NIPAL4: variants seen among roughly 807,000 people sequenced by gnomAD.
NIPAL4 encodes the protein NIPA like domain containing 4.
Under a neutral mutation model 31.6 loss-of-function variants are expected in NIPAL4, and 21 were observed. The observed-to-expected ratio is 0.67, with a 90% CI of 0.47 to 0.96. The LOEUF (loss-of-function observed/expected upper bound fraction) is 0.96, where lower values mean the gene tolerates loss of function less well. Among genes scored for constraint, NIPAL4 ranks in the 40% least tolerant of loss-of-function variants. The pLI, the probability that NIPAL4 is intolerant of heterozygous loss-of-function variation, is 0.00. For missense variants in NIPAL4, 438 were observed against 508.0 expected, an observed-to-expected ratio of 0.86 and a Z score of 1.32; for synonymous variants, 175 against 211.1, an observed-to-expected ratio of 0.83 and a Z score of 1.48.
chr5:157,465,009 G>T (rs1020170105), intron 2 of NIPAL4, among the ~76,000 whole-genome samples: 1 of 152,142 alleles, frequency 6.6e-6, no homozygotes, highest in Non-Finnish European at 1.5e-5. Flanking sequence ...TCAGTGAAAG[G>T]TTCCCACAGT....
chr5:157,460,300 G>A lies in NIPAL4; in HGVS notation c.-21G>A, dbSNP rs1311877126. ...CCCGGGCGCCGTCCGCCCGCGCGTC[G>A]GTTCGTGTGCCCCGGGCCCCATGGA... On this transcript the variant is annotated 5_prime_UTR_variant, in exon 1 of 6. Transcript: ENST00000311946. The A allele has an allele frequency of 2.6e-6, 4 of 1,546,100 alleles. No individual in the cohort carries two copies. Among genetic ancestry groups the A allele is most frequent in the Non-Finnish European group, 3.5e-6 (4 of 1,145,144 alleles).
intron 4 of NIPAL4, 121 bp from the exon 5 acceptor site, chr5:157,471,536 G>A (rs1047223546): frequency 3.2e-5 from 24 of 741,830 alleles, no homozygotes; most frequent in Admixed American, 6.0e-5. Context: ...AACCTTCCAC[G>A]TGAGAAACTA....
intron 1 of NIPAL4, among the ~76,000 whole-genome samples, chr5:157,462,690 C>T (rs57064749): frequency 0.28 from 42,104 of 152,100 alleles, 6,507 homozygotes; most frequent in East Asian, 0.71. Context: ...GTTTCTTCAA[C>T]TAAAAGCCTA....
In NIPAL4 at chr5:157,472,752, T is replaced by C. The variant is rs1754476804; in HGVS notation, c.1007T>C (p.Ile336Thr). 6.2e-7 allele frequency: 1 copy of C among 1,613,556 alleles called. No homozygotes were observed. Among genetic ancestry groups the C allele is most frequent in the Non-Finnish European group, 8.5e-7 (1 of 1,179,488 alleles). Residue 336 changes from isoleucine (I) to threonine (T), a missense_variant, in exon 6 of 6, where the codon ATC becomes ACC. Transcript: ENST00000311946. The stretch of plus-strand genomic sequence containing the variant: ...ACCCTCTCGGGCTTTGTCACCATCA[T>C]CTTGGGCGTGTTCATGCTGCATGCT... ...AGTLSGFVTI[I>T]LGVFMLHAFK...
In NIPAL4 at chr5:157,460,433, C is replaced by A; in HGVS notation, c.37+76C>A. On this transcript the variant is annotated intron_variant, in intron 1 of 5. Transcript: ENST00000311946. Reference sequence around the variant, plus strand: ...CCCTCCTTGCCACCGCTCTCCCTCGCATCCTCTCCTCCCAGGGGGGCCAAA... The same window carrying A: ...CCCTCCTTGCCACCGCTCTCCCTCGAATCCTCTCCTCCCAGGGGGGCCAAA... 5.0e-6 allele frequency: 7 copies of A among 1,391,938 alleles called. 1 individual carries two copies. The highest frequency in any genetic ancestry group is 2.5e-5 in the South Asian group (2 of 81,154). The allele number at this position is 1,391,938 out of a possible 1,614,324, so 86.2% of individuals were successfully genotyped here.
chr5:157,470,077 G>A (rs771935004), intron 4 of NIPAL4, among the ~76,000 whole-genome samples: 14 of 152,304 alleles, frequency 9.2e-5, no homozygotes, highest in Non-Finnish European at 1.9e-4. Flanking sequence ...AGACAAGAGA[G>A]CTTAGATATC....
chr5:157,472,283 T>C, intron 5 of NIPAL4, 49 bp from the exon 6 acceptor site: 1 of 1,554,082 alleles, frequency 6.4e-7, no homozygotes, highest in East Asian at 2.2e-5. Flanking sequence ...CCCTAGACAT[T>C]GCCTGCACCC....
chr5:157,460,641 AC>A, intron 1 of NIPAL4: 1 of 435,478 alleles, frequency 2.3e-6, no homozygotes, highest in South Asian at 1.6e-5. Context: ...GACAGCAGAC[AC>A]CCTGAGAGGT....
chr5:157,469,905 T>C (rs1367275029), intron 4 of NIPAL4, among the ~76,000 whole-genome samples: 1 of 152,236 alleles, frequency 6.6e-6, no homozygotes, highest in Non-Finnish European at 1.5e-5. Context: ...GTAGCTGTGG[T>C]ACCATAATTG....
rs79235822 is a variant in NIPAL4 at position 157,471,321 on chromosome 5, C to A, written c.426-336C>A. On this transcript the variant is annotated intron_variant, in intron 4 of 5. Coordinates refer to ENST00000311946, the MANE Select transcript of NIPAL4 (RefSeq NM_001099287.2). Reference sequence around the variant, plus strand: ...CGGGATACATTCAGAATGTTCAGCACATACTAAGCCCTCCATATGTGACAG... The same window carrying A: ...CGGGATACATTCAGAATGTTCAGCAAATACTAAGCCCTCCATATGTGACAG... Among the ~76,000 whole-genome samples the A allele has an allele frequency of 6.4e-4, 98 of 152,304 alleles. No homozygotes were observed. In the East Asian group the frequency reaches 0.018, roughly 29 times the overall value.
At chr5:157,461,379 C>G (rs10071997) in intron 1 of NIPAL4, among the ~76,000 whole-genome samples, 71,810 of 152,074 alleles carry the variant, frequency 0.47, 17,251 homozygotes, top group East Asian at 0.72. Context: ...GGAGGATGCT[C>G]AGCCCTTGGG....
intron 1 of NIPAL4, among the ~76,000 whole-genome samples, chr5:157,462,852 G>A (rs1191730857): frequency 6.6e-6 from 1 of 152,208 alleles, no homozygotes; most frequent in Admixed American, 6.5e-5. Context: ...CTGAGGGTCT[G>A]CCCTTGTGCC....
intron 1 of NIPAL4, among the ~76,000 whole-genome samples, chr5:157,461,244 C>G (rs1754096258): frequency 6.6e-6 from 1 of 152,208 alleles, no homozygotes; most frequent in South Asian, 2.1e-4. Context: ...AGAATGTGTT[C>G]CCCAGTCCTA....
intron 4 of NIPAL4, among the ~76,000 whole-genome samples, chr5:157,470,556 G>A (rs1035773182): frequency 1.3e-5 from 2 of 152,188 alleles, no homozygotes; most frequent in African/African-American, 4.8e-5. Flanking sequence ...AAAGAGTTAT[G>A]AGATGCTAGT....
rs769156695 is a variant in NIPAL4 at position 157,463,355 on chromosome 5, G to A, written c.277+22G>A. On this transcript the variant is annotated intron_variant, in intron 2 of 5. Coordinates refer to ENST00000311946, the MANE Select transcript of NIPAL4 (RefSeq NM_001099287.2). ...GCTGGTAGGTTCCTGGGCCAGGAGA[G>A]GATAGGGCCCAGGGCAGCTGAGCTC... The A allele has an allele frequency of 6.3e-6, 10 of 1,589,884 alleles. No individual in the cohort carries two copies. The Admixed American group carries it at 1.7e-4, about 27-fold the overall frequency.
chr5:157,468,615 G>C (rs745584415), intron 3 of NIPAL4, 107 bp from the exon 4 acceptor site: 44 of 745,478 alleles, frequency 5.9e-5, no homozygotes, highest in Non-Finnish European at 1.0e-4. Flanking sequence ...AGATTTTAAG[G>C]AATGCTGGTC....
intron 4 of NIPAL4, among the ~76,000 whole-genome samples, chr5:157,469,973 C>T (rs1754380329): frequency 6.6e-6 from 1 of 152,160 alleles, no homozygotes; most frequent in Non-Finnish European, 1.5e-5. Flanking sequence ...CCATAAAATC[C>T]TCCAGTGTGT....
intron 4 of NIPAL4, among the ~76,000 whole-genome samples, chr5:157,471,442 G>T (rs1170887787): frequency 6.6e-6 from 1 of 152,142 alleles, no homozygotes; most frequent in Non-Finnish European, 1.5e-5. Context: ...GATATTATTA[G>T]CATCCCCATT....
At chr5:157,464,193 A>G (rs1394762034) in intron 2 of NIPAL4, among the ~76,000 whole-genome samples, 1 of 152,174 alleles carries the variant, frequency 6.6e-6, no homozygotes, top group Non-Finnish European at 1.5e-5. Context: ...ATAGGGAGAC[A>G]GTGTTCCAGG....
Sources: allele counts gnomAD v4.1 joint callset (sites outside exome capture counted in the v4.1 genomes callset), GRCh38; gene constraint gnomAD v4.1.1; transcripts MANE v1.5; gene names NCBI Gene and HGNC (gene_info 2026-07-23, HGNC 2026-07-21).